Variants in PLCL1 observed in about 807,000 individuals in gnomAD.
The protein encoded by PLCL1 is inactive phospholipase C-like protein 1.
In PLCL1, 41 loss-of-function variants were observed where a neutral mutation model predicts 84.4. The observed-to-expected ratio is 0.49, with a 90% CI of 0.38 to 0.63. PLCL1 has a LOEUF of 0.63. Among genes scored for constraint, PLCL1 ranks in the 30% least tolerant of loss-of-function variants. The pLI is 0.00. For missense variants in PLCL1, 1,206 were observed against 1,367.8 expected, an observed-to-expected ratio of 0.88 and a Z score of 1.87; for synonymous variants, 490 against 488.3, an observed-to-expected ratio of 1.00 and a Z score of -0.05.
intron 1 of PLCL1, among the ~76,000 whole-genome samples, chr2:197,870,608 C>T (rs536754143): frequency 4.6e-5 from 7 of 152,004 alleles, no homozygotes; most frequent in South Asian, 2.1e-4. Context: ...TATTTGTTAG[C>T]GGGAAGGGAA....
intron 1 of PLCL1, among the ~76,000 whole-genome samples, chr2:198,066,511 A>G (rs1244789974): frequency 1.3e-5 from 2 of 152,132 alleles, no homozygotes; most frequent in African/African-American, 2.4e-5. Flanking sequence ...AGTTCAGTAT[A>G]CTGGGAACTC....
At chr2:198,118,997 C>T (rs964425247) in intron 5 of PLCL1, among the ~76,000 whole-genome samples, 2 of 151,960 alleles carry the variant, frequency 1.3e-5, no homozygotes, top group Non-Finnish European at 2.9e-5. Context: ...TCATGTGAAA[C>T]TATTGTTATT....
chr2:197,810,617 G>A (rs1412837088), intron 1 of PLCL1, among the ~76,000 whole-genome samples: 1 of 152,166 alleles, frequency 6.6e-6, no homozygotes, highest in African/African-American at 2.4e-5. Context: ...GGCATAGCAG[G>A]GCATTATGAA....
intron 1 of PLCL1, among the ~76,000 whole-genome samples, chr2:198,073,813 C>T (rs969528459): frequency 4.3e-4 from 66 of 152,094 alleles, no homozygotes; most frequent in African/African-American, 1.1e-3. Flanking sequence ...ATATATACAC[C>T]AATTTATTAA....
chr2:198,030,318 G>A (rs1318895624), intron 1 of PLCL1, among the ~76,000 whole-genome samples: 1 of 152,080 alleles, frequency 6.6e-6, no homozygotes. Flanking sequence ...CTCCATCTCT[G>A]TCTTTCTTGC....
At chr2:197,872,211 C>A (rs1473369792) in intron 1 of PLCL1, among the ~76,000 whole-genome samples, 1 of 152,086 alleles carries the variant, frequency 6.6e-6, no homozygotes, top group Non-Finnish European at 1.5e-5. Context: ...CCTCTGGTGA[C>A]CTTAATTTAC....
intron 1 of PLCL1, among the ~76,000 whole-genome samples, chr2:197,806,402 C>G (rs913682186): frequency 2.0e-5 from 3 of 152,192 alleles, no homozygotes; most frequent in Non-Finnish European, 4.4e-5. Context: ...CAGGGTTAAG[C>G]TGCGTAACCA....
intron 1 of PLCL1, among the ~76,000 whole-genome samples, chr2:197,839,757 C>A (rs1253200896): frequency 6.6e-6 from 1 of 152,188 alleles, no homozygotes. Flanking sequence ...GTCTTTAAGA[C>A]CATTAGACTA....
intron 1 of PLCL1, among the ~76,000 whole-genome samples, chr2:197,808,485 G>T (rs1287734509): frequency 2.0e-5 from 3 of 152,182 alleles, no homozygotes; most frequent in South Asian, 2.1e-4. Flanking sequence ...CCTGTGGTTT[G>T]TTCCCTTTAG....
intron 1 of PLCL1, among the ~76,000 whole-genome samples, chr2:197,994,907 G>T (rs1045651008): frequency 9.9e-5 from 15 of 152,170 alleles, no homozygotes; most frequent in Non-Finnish European, 1.8e-4. Context: ...TCTAATCAGA[G>T]AACCAGTGAA....
chr2:198,074,182 AC>A (rs1429792109), intron 1 of PLCL1, among the ~76,000 whole-genome samples: 1 of 152,206 alleles, frequency 6.6e-6, no homozygotes, highest in Non-Finnish European at 1.5e-5. Flanking sequence ...TGCATAGAAA[AC>A]CATAAATTCC....
chr2:197,897,198 CTTCTTCTT>C (rs1559038717), intron 1 of PLCL1, among the ~76,000 whole-genome samples: 3,529 of 30,352 alleles, frequency 0.12, 343 homozygotes, highest in African/African-American at 0.14. Flanking sequence ...TCTCCTTCTC[CTTCTTCTT>C]TCTTCTTCCT....
At chr2:198,088,465 G>A (rs535816945) in intron 2 of PLCL1, among the ~76,000 whole-genome samples, 7 of 152,302 alleles carry the variant, frequency 4.6e-5, no homozygotes, top group African/African-American at 1.2e-4. Context: ...GAATGCCATT[G>A]ATTAGTCAGA....
At chr2:197,806,792 A>G (rs1690495357) in intron 1 of PLCL1, among the ~76,000 whole-genome samples, 1 of 152,158 alleles carries the variant, frequency 6.6e-6, no homozygotes, top group Admixed American at 6.5e-5. Context: ...TGTGTAAAAC[A>G]GGCACTGCAA....
At chr2:198,104,685 C>A (rs530641727) in intron 5 of PLCL1, among the ~76,000 whole-genome samples, 1 of 152,090 alleles carries the variant, frequency 6.6e-6, no homozygotes, top group Non-Finnish European at 1.5e-5. Context: ...CTTTTCTCCA[C>A]AACCTTGCCA....
chr2:198,029,367 C>T (rs1691351714), intron 1 of PLCL1, among the ~76,000 whole-genome samples: 1 of 152,140 alleles, frequency 6.6e-6, no homozygotes, highest in Non-Finnish European at 1.5e-5. Flanking sequence ...CATACATTTT[C>T]TACTAGAGAG....
chr2:198,086,695 C>T (rs532777597), intron 2 of PLCL1, among the ~76,000 whole-genome samples: 1 of 152,240 alleles, frequency 6.6e-6, no homozygotes, highest in East Asian at 1.9e-4. Context: ...TGTGATAAAA[C>T]AGATATATTT....
At chr2:197,901,634 G>C (rs575578336) in intron 1 of PLCL1, among the ~76,000 whole-genome samples, 34 of 152,336 alleles carry the variant, frequency 2.2e-4, no homozygotes, top group Non-Finnish European at 4.0e-4. Context: ...AACTGAGAGA[G>C]AGAGAGGAAG....
At chr2:198,104,211 T>TC (rs1436760285) in intron 5 of PLCL1, among the ~76,000 whole-genome samples, 1 of 151,854 alleles carries the variant, frequency 6.6e-6, no homozygotes, top group Non-Finnish European at 1.5e-5. Flanking sequence ...CCTCATGTAG[T>TC]CCCTGGTGTC....
Sources: gnomAD v4.1 joint callset for allele counts (sites outside exome capture counted in the v4.1 genomes callset) on GRCh38, gnomAD v4.1.1 for gene constraint, MANE v1.5 for transcripts, NCBI Gene and HGNC (gene_info 2026-07-23, HGNC 2026-07-21) for gene names.